EPN1: variants seen among roughly 807,000 people sequenced by gnomAD.
The protein encoded by EPN1 is epsin-1.
EPN1 carries 25 observed loss-of-function variants against 56.9 expected under a neutral mutation model. The ratio of observed to expected loss-of-function variants is 0.44; its 90% CI spans 0.32 to 0.61. EPN1 has a LOEUF of 0.61. EPN1 is among the 20% of genes least tolerant of loss of function. The pLI is 0.05. For synonymous variants in EPN1, 411 were observed against 361.8 expected, an observed-to-expected ratio of 1.14 and a Z score of -1.54; for missense variants, 785 against 823.7, an observed-to-expected ratio of 0.95 and a Z score of 0.58.
At chr19:55,677,008 C>T in intron 1 of EPN1, 1 of 1,125,800 alleles carries the variant, frequency 8.9e-7, no homozygotes, top group Non-Finnish European at 1.2e-6. Flanking sequence ...TTTGGGACTC[C>T]AGAGAGTTAC....
At chr19:55,675,662 G>C (rs747648012) in intron 1 of EPN1, among the ~76,000 whole-genome samples, 30 of 152,168 alleles carry the variant, frequency 2.0e-4, no homozygotes, top group Admixed American at 8.5e-4. Context: ...CTCTGCCTGT[G>C]CCTGTTTCAG....
rs754619841 is a variant in EPN1 at position 55,709,064 on chromosome 19, GT to G, written c.*13719del. 4.0e-3 allele frequency: 4,960 copies of G among 1,233,938 alleles called. No individual in the cohort carries two copies. The highest frequency in any genetic ancestry group is 5.6e-3 in the Admixed American group (201 of 35,792). 76.4% of individuals were successfully genotyped at this position (1,233,938 alleles called of 1,614,324 possible). The stretch of plus-strand genomic sequence containing the variant: ...TGCAGCCTGGGAAAATAGAAATAAA[GT>G]TTTTTTTTTTGTTTTTCATTTTTAC... On this transcript the variant is annotated 3_prime_UTR_variant, in exon 11 of 11. Coordinates refer to ENST00000270460, the MANE Select transcript of EPN1 (RefSeq NM_001130072.2).
At position 55,695,397 on chromosome 19, in the gene EPN1, T is replaced by G; in HGVS notation, c.*41T>G. On this transcript the variant is annotated 3_prime_UTR_variant, in exon 11 of 11. Transcript: ENST00000270460. This position sits in a 1 kb window ranked among gnomAD's most constrained non-coding sequence, Gnocchi z 4.4. ...GGCCTGGCTCCATCCGGCTGCCCCA[T>G]TCCGGCTCCCTGGGAGATCAGTGTT... 1 of 1,116,374 alleles carries G rather than the reference T, an allele frequency of 9.0e-7. No individual in the cohort carries two copies. The highest frequency in any genetic ancestry group is 1.3e-6 in the Non-Finnish European group (1 of 781,664). The allele number at this position is 1,116,374 out of a possible 1,614,324, so 69.2% of individuals were successfully genotyped here.
rs1289454591 is a variant in EPN1, at chr19:55,691,269, G to T, written c.763-485G>T. ...CAACGTAGGGGGCATCGTGAGGGGT[G>T]CTCAGGTTGACCTGAGTGGGTTCAT... On this transcript the variant is annotated intron_variant, in intron 6 of 10. Coordinates refer to ENST00000270460, the MANE Select transcript of EPN1 (RefSeq NM_001130072.2). This position sits in a 1 kb window ranked among gnomAD's most constrained non-coding sequence, Gnocchi z 5.6. Among the ~76,000 whole-genome samples the T allele has an allele frequency of 6.6e-6, 1 of 152,110 alleles. No homozygotes were observed. The highest frequency in any genetic ancestry group is 1.5e-5 in the Non-Finnish European group (1 of 68,002).
Position 55,691,378 on chromosome 19 carries a change from T to C in EPN1, c.763-376T>C, listed in dbSNP as rs1352263784. Among the ~76,000 whole-genome samples the C allele has an allele frequency of 2.6e-5, 4 of 151,946 alleles. No individual in the cohort carries two copies. The highest frequency in any genetic ancestry group is 4.8e-5 in the African/African-American group (2 of 41,372). On this transcript the variant is annotated intron_variant, in intron 6 of 10. Coordinates refer to ENST00000270460, the MANE Select transcript of EPN1 (RefSeq NM_001130072.2). This position sits in a 1 kb window ranked among gnomAD's most constrained non-coding sequence, Gnocchi z 5.6. The stretch of plus-strand genomic sequence containing the variant: ...ACGGTGGGCAGAGGGAGGATCGAGC[T>C]GCTTCGGGTCGAGCGAGGGGAGGGC...
At position 55,677,555 on chromosome 19, in the gene EPN1, C is replaced by T. The variant is rs183276241; in HGVS notation, c.-101-972C>T. 6 of 1,512,080 alleles carry T rather than the reference C, an allele frequency of 4.0e-6. No individual in the cohort carries two copies. In the African/African-American group the frequency reaches 8.3e-5, roughly 21 times the overall value. The allele number at this position is 1,512,080 out of a possible 1,614,324, so 93.7% of individuals were successfully genotyped here. ...TTGAATTATTTAACTTCCAGGAGCCCAGTCTTTGCATGCAGTGTTGAAAAA... is the reference window on the plus strand; with the variant it reads ...TTGAATTATTTAACTTCCAGGAGCCTAGTCTTTGCATGCAGTGTTGAAAAA... On this transcript the variant is annotated intron_variant, in intron 1 of 10. Coordinates refer to ENST00000270460, the MANE Select transcript of EPN1 (RefSeq NM_001130072.2).
rs1449314830 is a variant in EPN1, at chr19:55,708,992, C to G, written c.*13636C>G. The stretch of plus-strand genomic sequence containing the variant: ...ATGGTCAGATGGGGAATTTTTTCTT[C>G]CACAGACATCAGGATCTTCTGAGTT... On this transcript the variant is annotated 3_prime_UTR_variant, in exon 11 of 11. Transcript: ENST00000270460. The G allele has an allele frequency of 6.3e-7, 1 of 1,594,582 alleles. No individual in the cohort carries two copies. Among genetic ancestry groups the G allele is most frequent in the Non-Finnish European group, 8.5e-7 (1 of 1,172,676 alleles).
intron 2 of EPN1, among the ~76,000 whole-genome samples, chr19:55,682,861 A>G (rs1568567594): frequency 4.6e-5 from 7 of 151,968 alleles, no homozygotes; most frequent in South Asian, 4.2e-4. Context: ...GGTTCAAGCA[A>G]TTCTCCTGCC....
In EPN1 at chr19:55,691,968, C is replaced by G. The variant is rs755417216; in HGVS notation, c.977C>G (p.Pro326Arg). 6.6e-7 allele frequency: 1 copy of G among 1,510,858 alleles called. No homozygotes were observed. Among genetic ancestry groups the G allele is most frequent in the South Asian group, 1.3e-5 (1 of 77,082 alleles). 93.6% of individuals were successfully genotyped at this position (1,510,858 alleles called of 1,614,324 possible). A position where few individuals can be genotyped will look rare whatever the true frequency, so the allele number is the denominator to read the frequency against. ...GGGGACCCCTGGAGGCCTGCTGCCC[C>G]TGCAGGACCCTCAGTTGACCCTTGG... is the stretch of plus-strand genomic sequence containing the variant. Reference protein sequence around the residue: ...ASGDPWRPAAPAGPSVDPWGG... With the variant: ...ASGDPWRPAARAGPSVDPWGG... The change falls in exon 7 of 11, where the codon CCT (proline) becomes CGT (arginine). Residue 326 changes from proline (P) to arginine (R), a missense_variant. By Grantham distance (103) the Pro-to-Arg change is moderately radical (BLOSUM62 -2). Coordinates refer to ENST00000270460, the MANE Select transcript of EPN1 (RefSeq NM_001130072.2). The surrounding 1 kb of genome is among the most constrained non-coding windows in gnomAD (Gnocchi z 5.6).
At position 55,691,019 on chromosome 19, in the gene EPN1, C is replaced by T. The variant is rs1357858871; in HGVS notation, c.763-735C>T. ...CATCCCCGCCGGGGCCTTTGCCTCA[C>T]GGGTGCTGACTGGAGATGTGTGCAT... On this transcript the variant is annotated intron_variant, in intron 6 of 10. Coordinates refer to ENST00000270460, the MANE Select transcript of EPN1 (RefSeq NM_001130072.2). The surrounding 1 kb of genome is among the most constrained non-coding windows in gnomAD (Gnocchi z 5.6). 3.3e-5 allele frequency among the ~76,000 whole-genome samples: 5 copies of T among 152,170 alleles called. No individual in the cohort carries two copies. The highest frequency in any genetic ancestry group is 7.2e-5 in the African/African-American group (3 of 41,430).
intron 2 of EPN1, among the ~76,000 whole-genome samples, chr19:55,682,931 A>G (rs1985916888): frequency 6.8e-6 from 1 of 147,920 alleles, no homozygotes; most frequent in African/African-American, 2.5e-5. Flanking sequence ...TAATTTTTGT[A>G]TTTTTAGTAG....
rs577356733 is a variant in EPN1, at chr19:55,702,684, A to G, written c.*7328A>G. ...TTTTGCTGGGGACTCTCTTCGCCCT[A>G]TCTACCTAAATGATTTCTGTTTCTT... On this transcript the variant is annotated 3_prime_UTR_variant, in exon 11 of 11. Transcript: ENST00000270460. 16 of 152,330 alleles carry G rather than the reference A, an allele frequency of 1.1e-4. No individual in the cohort carries two copies. The highest frequency in any genetic ancestry group is 6.8e-3 in the Middle Eastern group (2 of 294). The allele number at this position is 152,330 out of a possible 1,614,324, so 9.4% of individuals were successfully genotyped here.
chr19:55,685,167 C>T (rs868726578), intron 2 of EPN1, among the ~76,000 whole-genome samples: 5 of 152,378 alleles, frequency 3.3e-5, no homozygotes, highest in Middle Eastern at 3.4e-3. Context: ...TGGCGTCTGT[C>T]GCTGAGCGCA....
Position 55,695,394 on chromosome 19 carries a change from C to A in EPN1, c.*38C>A. ...GGGGGCCTGGCTCCATCCGGCTGCC[C>A]CATTCCGGCTCCCTGGGAGATCAGT... On this transcript the variant is annotated 3_prime_UTR_variant, in exon 11 of 11. Coordinates refer to ENST00000270460, the MANE Select transcript of EPN1 (RefSeq NM_001130072.2). The surrounding 1 kb of genome is among the most constrained non-coding windows in gnomAD (Gnocchi z 4.4). The A allele has an allele frequency of 1.8e-6, 2 of 1,142,682 alleles. No homozygotes were observed. Among genetic ancestry groups the A allele is most frequent in the Non-Finnish European group, 2.5e-6 (2 of 804,224 alleles). 70.8% of individuals were successfully genotyped at this position (1,142,682 alleles called of 1,614,324 possible). A position where few individuals can be genotyped will look rare whatever the true frequency, so the allele number is the denominator to read the frequency against.
At chr19:55,693,387 G>A (rs866977042) in intron 9 of EPN1, 21 of 182,170 alleles carry the variant, frequency 1.2e-4, no homozygotes, top group Admixed American at 4.3e-4. Context: ...AGTGAGCTGC[G>A]TGGACAGGGG....
At position 55,700,579 on chromosome 19, in the gene EPN1, A is replaced by ATTTTTTTAGTAGAGACG. The variant is rs1987096082; in HGVS notation, c.*5223_*5224insTTTTTTTAGTAGAGACG. ...CCGGCCCATAATTACAAACTTTCTG[A>ATTTTTTTAGTAGAGACG]GGGACATCTTGAAGCACACAAAACT... On this transcript the variant is annotated 3_prime_UTR_variant, in exon 11 of 11. Coordinates refer to ENST00000270460, the MANE Select transcript of EPN1 (RefSeq NM_001130072.2). 13 of 143,242 alleles carry ATTTTTTTAGTAGAGACG rather than the reference A, an allele frequency of 9.1e-5. No individual in the cohort carries two copies. Among genetic ancestry groups the ATTTTTTTAGTAGAGACG allele is most frequent in the African/African-American group, 3.3e-4 (11 of 32,944 alleles). The allele number at this position is 143,242 out of a possible 1,614,324, so 8.9% of individuals were successfully genotyped here. A position where few individuals can be genotyped will look rare whatever the true frequency, so the allele number is the denominator to read the frequency against.
chr19:55,684,901 G>C (rs1986061757), intron 2 of EPN1, among the ~76,000 whole-genome samples: 1 of 152,208 alleles, frequency 6.6e-6, no homozygotes, highest in Non-Finnish European at 1.5e-5. Context: ...GGATTGAGAT[G>C]GAGCTCCTAC....
At chr19:55,687,500 G>T (rs912544935) in intron 3 of EPN1, among the ~76,000 whole-genome samples, 23 of 152,104 alleles carry the variant, frequency 1.5e-4, no homozygotes, top group Non-Finnish European at 2.9e-4. Flanking sequence ...AGGCTGGGGG[G>T]TTAGGGGCAT....
rs957355288 is a variant in EPN1 at position 55,708,170 on chromosome 19, G to A, written c.*12814G>A. 1.3e-5 allele frequency: 2 copies of A among 152,106 alleles called. No individual in the cohort carries two copies. The highest frequency in any genetic ancestry group is 2.9e-5 in the Non-Finnish European group (2 of 68,020). The allele number at this position is 152,106 out of a possible 1,614,324, so 9.4% of individuals were successfully genotyped here. A position where few individuals can be genotyped will look rare whatever the true frequency, so the allele number is the denominator to read the frequency against. On this transcript the variant is annotated 3_prime_UTR_variant, in exon 11 of 11. Transcript: ENST00000270460. ...TAGGTCCACAATTTCTCATTCTCAGGAGAATCTGAGATTATATTTCAATCT... is the reference window on the plus strand; with the variant it reads ...TAGGTCCACAATTTCTCATTCTCAGAAGAATCTGAGATTATATTTCAATCT...
Sources: gnomAD v4.1 joint callset for allele counts (sites outside exome capture counted in the v4.1 genomes callset) on GRCh38, gnomAD v4.1.1 for gene constraint, Gnocchi (gnomAD v3.1) non-coding constraint, MANE v1.5 for transcripts, NCBI Gene and HGNC (gene_info 2026-07-23, HGNC 2026-07-21) for gene names.